The following RALGPS1 variants were observed in gnomAD, a reference collection of about 807,000 sequenced individuals.
RALGPS1 encodes the protein ras-specific guanine nucleotide-releasing factor RalGPS1.
A neutral mutation model predicts 78.8 loss-of-function variants in RALGPS1; 19 were observed. That is an observed-to-expected ratio of 0.24 (90% CI 0.17 to 0.35). The LOEUF (loss-of-function observed/expected upper bound fraction) is 0.35, where lower values mean the gene tolerates loss of function less well. Ranked by LOEUF, RALGPS1 falls within the 10% of genes least tolerant of loss-of-function variation. The probability of loss-of-function intolerance (pLI) is 1.00; values close to 1 mark genes in which losing one functional copy is unlikely to be tolerated. For missense variants in RALGPS1, 454 were observed against 688.3 expected (o/e 0.66, Z 3.81); for synonymous variants, 228 against 256.3 (o/e 0.89, Z 1.06).
intron 7 of RALGPS1, among the ~76,000 whole-genome samples, chr9:127,059,953 A>G (rs766249057): frequency 6.6e-6 from 1 of 152,174 alleles, no homozygotes; most frequent in East Asian, 1.9e-4. Flanking sequence ...CAACCAAATT[A>G]AAAAACCAAC....
intron 8 of RALGPS1, among the ~76,000 whole-genome samples, chr9:127,157,151 G>A (rs1366817338): frequency 1.3e-5 from 2 of 151,872 alleles, no homozygotes; most frequent in African/African-American, 2.4e-5. Context: ...CATTCTTCTT[G>A]TTAAAAATGT....
intron 3 of RALGPS1, among the ~76,000 whole-genome samples, chr9:126,968,687 C>T (rs1330687182): frequency 1.3e-5 from 2 of 152,332 alleles, no homozygotes; most frequent in South Asian, 2.1e-4. Flanking sequence ...AAAACCAGGG[C>T]TGTCTGACAC....
chr9:127,008,068 G>A (rs2044009632), intron 4 of RALGPS1, among the ~76,000 whole-genome samples: 1 of 151,616 alleles, frequency 6.6e-6, no homozygotes, highest in African/African-American at 2.4e-5. Flanking sequence ...TAAGGTGGAT[G>A]TGGATGTTGT....
intron 2 of RALGPS1, 60 bp downstream of exon 2, chr9:126,962,406 G>T: frequency 1.3e-6 from 2 of 1,561,864 alleles, no homozygotes; most frequent in Non-Finnish European, 1.8e-6. Context: ...GCTAACCCAG[G>T]CCCCAGCTGA....
At chr9:127,017,736 T>G (rs2044995036) in intron 4 of RALGPS1, among the ~76,000 whole-genome samples, 1 of 152,220 alleles carries the variant, frequency 6.6e-6, no homozygotes, top group South Asian at 2.1e-4. Context: ...AAGATTTTTT[T>G]GTATTTTTAA....
At chr9:126,989,211 G>A (rs12352403) in intron 4 of RALGPS1, among the ~76,000 whole-genome samples, 1 of 152,198 alleles carries the variant, frequency 6.6e-6, no homozygotes, top group Admixed American at 6.5e-5. Flanking sequence ...TCAGAGTTCA[G>A]GGTCTTTGAG....
intron 4 of RALGPS1, among the ~76,000 whole-genome samples, chr9:127,022,224 T>C (rs2045524478): frequency 6.6e-6 from 1 of 152,154 alleles, no homozygotes; most frequent in African/African-American, 2.4e-5. Context: ...GAGGCCCTCA[T>C]GTTCATTTCT....
intron 10 of RALGPS1, among the ~76,000 whole-genome samples, chr9:127,173,922 A>AATCGCTT (rs1404784041): frequency 6.6e-6 from 1 of 152,174 alleles, no homozygotes; most frequent in Non-Finnish European, 1.5e-5. Flanking sequence ...CTGAGGTATG[A>AATCGCTT]GAATCGCTTG....
chr9:126,971,097 C>A (rs1272036235), intron 3 of RALGPS1, among the ~76,000 whole-genome samples: 1 of 152,002 alleles, frequency 6.6e-6, no homozygotes, highest in Non-Finnish European at 1.5e-5. Flanking sequence ...AGGGAGGAAA[C>A]TTTTTCACAT....
At chr9:127,078,049 A>G (rs2050832483) in intron 8 of RALGPS1, among the ~76,000 whole-genome samples, 2 of 152,140 alleles carry the variant, frequency 1.3e-5, no homozygotes, top group Non-Finnish European at 2.9e-5. Context: ...AAGCCTTTGA[A>G]CAAATCTCCC....
At chr9:127,009,301 C>G (rs916213528) in intron 4 of RALGPS1, among the ~76,000 whole-genome samples, 3 of 152,278 alleles carry the variant, frequency 2.0e-5, no homozygotes, top group Middle Eastern at 3.4e-3. Context: ...TTTGTTCCCC[C>G]CTCATCCTTT....
chr9:127,150,949 C>G (rs1035125362), intron 8 of RALGPS1, among the ~76,000 whole-genome samples: 1 of 151,956 alleles, frequency 6.6e-6, no homozygotes, highest in Non-Finnish European at 1.5e-5. Flanking sequence ...TTTGGGAGAC[C>G]GAGGCGGGCG....
At chr9:127,124,587 G>A (rs754017456) in intron 8 of RALGPS1, among the ~76,000 whole-genome samples, 27 of 152,220 alleles carry the variant, frequency 1.8e-4, no homozygotes, top group Non-Finnish European at 3.7e-4. Context: ...AAATTTTGGT[G>A]GTAATTTGTT....
intron 1 of RALGPS1, among the ~76,000 whole-genome samples, chr9:126,940,104 G>A (rs1223918066): frequency 6.6e-6 from 1 of 152,116 alleles, no homozygotes; most frequent in Non-Finnish European, 1.5e-5. Flanking sequence ...TCCCATTGAG[G>A]CTGACCCCTC....
chr9:126,952,636 AG>A (rs2131800564), intron 1 of RALGPS1, among the ~76,000 whole-genome samples: 1 of 117,724 alleles, frequency 8.5e-6, no homozygotes, highest in South Asian at 3.8e-4. Flanking sequence ...GCTGAGAGAG[AG>A]AGAGAGAGAG....
intron 1 of RALGPS1, among the ~76,000 whole-genome samples, chr9:126,946,442 G>A (rs937651912): frequency 6.6e-6 from 1 of 150,736 alleles, no homozygotes; most frequent in Admixed American, 6.6e-5. Flanking sequence ...GCTGAGGCAG[G>A]AGAATTGCTT....
chr9:127,196,771 A>T, intron 13 of RALGPS1, 140 bp downstream of exon 13: 1 of 1,039,378 alleles, frequency 9.6e-7, no homozygotes, highest in Non-Finnish European at 1.4e-6. Context: ...CTCCCTGCAG[A>T]GGTGGCTGCC....
intron 3 of RALGPS1, among the ~76,000 whole-genome samples, chr9:126,968,026 C>T (rs1325045503): frequency 1.5e-5 from 2 of 134,986 alleles, no homozygotes; most frequent in Admixed American, 7.9e-5. Context: ...TTTTTTGAGA[C>T]GGAGTCTCGC....
intron 4 of RALGPS1, among the ~76,000 whole-genome samples, chr9:127,019,208 T>G (rs2045203637): frequency 6.6e-6 from 1 of 152,234 alleles, no homozygotes; most frequent in South Asian, 2.1e-4. Flanking sequence ...AAACAGTCAC[T>G]CAAATCATTT....
Sources: gnomAD v4.1 joint callset for allele counts (sites outside exome capture counted in the v4.1 genomes callset) on GRCh38, gnomAD v4.1.1 for gene constraint, MANE v1.5 for transcripts, NCBI Gene and HGNC (gene_info 2026-07-23, HGNC 2026-07-21) for gene names.